The following FOCAD variants were observed in gnomAD, a reference collection of about 807,000 sequenced individuals.
FOCAD encodes the protein KIAA1797.
In FOCAD, 198 loss-of-function variants were observed where a neutral mutation model predicts 225.6. The ratio of observed to expected loss-of-function variants is 0.88; its 90% CI spans 0.78 to 0.99. The LOEUF (loss-of-function observed/expected upper bound fraction) is 0.99. Ranked by LOEUF, FOCAD falls within the 50% of genes least tolerant of loss-of-function variation. FOCAD has a pLI of 0.00. For synonymous variants in FOCAD, 897 were observed against 755.0 expected (o/e 1.19, Z -3.08); for missense variants, 2,713 against 2,123.6 (o/e 1.28, Z -5.46).
At chr9:20,658,152 C>G (rs1048776608), upstream of FOCAD, among the ~76,000 whole-genome samples, 1 of 151,554 alleles carries the variant, frequency 6.6e-6, no homozygotes, top group Non-Finnish European at 1.5e-5. Context: ...TCTCCAGCTG[C>G]GTGGTGGGAG....
At chr9:20,813,447 G>A (rs1823306125) in intron 11 of FOCAD, among the ~76,000 whole-genome samples, 4 of 151,998 alleles carry the variant, frequency 2.6e-5, no homozygotes, top group Admixed American at 1.3e-4. Context: ...ACCCATAGTG[G>A]CCACACCTTT....
At chr9:20,869,537 T>C (rs780246584) in intron 18 of FOCAD, among the ~76,000 whole-genome samples, 5 of 152,112 alleles carry the variant, frequency 3.3e-5, no homozygotes, top group African/African-American at 4.8e-5. Context: ...TTGGCAGATA[T>C]CAGAACAAAG....
chr9:20,967,911 T>C (rs1203279171), intron 35 of FOCAD, among the ~76,000 whole-genome samples: 1 of 152,152 alleles, frequency 6.6e-6, no homozygotes, highest in Non-Finnish European at 1.5e-5. Flanking sequence ...ATTCATAATA[T>C]GTATCAGTCT....
chr9:20,944,953 A>C (rs1837038458), intron 29 of FOCAD, among the ~76,000 whole-genome samples, 179 bp downstream of exon 29: 3 of 152,198 alleles, frequency 2.0e-5, no homozygotes, highest in Admixed American at 2.0e-4. Flanking sequence ...TGGCAGTTTA[A>C]ATCAACTTAA....
intron 15 of FOCAD, among the ~76,000 whole-genome samples, chr9:20,829,825 C>T (rs1825305233): frequency 6.6e-6 from 1 of 152,054 alleles, no homozygotes; most frequent in African/African-American, 2.4e-5. Flanking sequence ...AGCTGGAAAA[C>T]TGCTAATGTT....
chr9:20,821,997 A>T (rs1390898403), intron 14 of FOCAD, among the ~76,000 whole-genome samples: 1 of 22,622 alleles, frequency 4.4e-5, no homozygotes, highest in African/African-American at 1.5e-4. Context: ...AAAAGTTACT[A>T]AAAAAAAAAA....
In FOCAD at chr9:20,988,379, A is replaced by G. The variant is rs771469570; in HGVS notation, c.4954A>G (p.Arg1652Gly). ...EWLLELMGYI[R>G]NVAYQSTSFH... ...GCTCTTGGAACTGATGGGTTATATTAGAAATGTTGCTTACCAGTCAACATC... is the reference window on the plus strand; with the variant it reads ...GCTCTTGGAACTGATGGGTTATATTGGAAATGTTGCTTACCAGTCAACATC... Residue 1652 changes from arginine to glycine, a missense_variant, in exon 41 of 44, where the codon AGA becomes GGA. Physicochemically the swap from Arg to Gly is moderately radical, Grantham distance 125. Coordinates refer to ENST00000338382, the MANE Select transcript of FOCAD (RefSeq NM_001375567.1). The G allele has an allele frequency of 6.2e-7, 1 of 1,612,506 alleles. No homozygotes were observed. The highest frequency in any genetic ancestry group is 1.1e-5 in the South Asian group (1 of 90,930).
chr9:20,797,223 T>G (rs1821217831), intron 11 of FOCAD, among the ~76,000 whole-genome samples: 1 of 152,176 alleles, frequency 6.6e-6, no homozygotes, highest in South Asian at 2.1e-4. Flanking sequence ...ACTGTAGCCT[T>G]GTAGTCTAGT....
intron 15 of FOCAD, among the ~76,000 whole-genome samples, chr9:20,855,420 T>C (rs1828072972): frequency 6.6e-6 from 1 of 151,572 alleles, no homozygotes; most frequent in Non-Finnish European, 1.5e-5. Context: ...AATAAGTAAA[T>C]TGTTTTTTAA....
At chr9:20,976,355 T>G (rs1253351566) in intron 35 of FOCAD, 65 bp from the exon 36 acceptor site, 3 of 1,482,102 alleles carry the variant, frequency 2.0e-6, no homozygotes, top group African/African-American at 2.8e-5. Context: ...AAGGAATTGT[T>G]GGCATTTTCC....
intron 19 of FOCAD, among the ~76,000 whole-genome samples, chr9:20,880,560 G>C (rs1293862777): frequency 6.6e-6 from 1 of 152,196 alleles, no homozygotes; most frequent in Non-Finnish European, 1.5e-5. Flanking sequence ...GAGCAGGGTT[G>C]AGAAGGATAG....
At chr9:20,707,840 G>A (rs998907742) in intron 1 of FOCAD, among the ~76,000 whole-genome samples, 1 of 152,136 alleles carries the variant, frequency 6.6e-6, no homozygotes, top group Non-Finnish European at 1.5e-5. Flanking sequence ...GTGGCAGTTG[G>A]ATTTTTTAAG....
intron 15 of FOCAD, among the ~76,000 whole-genome samples, chr9:20,846,888 T>A (rs1177268744): frequency 6.6e-6 from 1 of 152,098 alleles, no homozygotes; most frequent in Admixed American, 6.6e-5. Flanking sequence ...TTTATAAACA[T>A]CTTCACAGTA....
At chr9:20,955,268 T>C (rs779807173) in intron 35 of FOCAD, among the ~76,000 whole-genome samples, 4 of 152,196 alleles carry the variant, frequency 2.6e-5, no homozygotes, top group Non-Finnish European at 5.9e-5. Flanking sequence ...TCCACATTTG[T>C]GCTAGGATGA....
chr9:20,740,304 G>T lies in FOCAD; in HGVS notation c.356G>T (p.Gly119Val), dbSNP rs369102033. The change falls in exon 5 of 44, where the codon GGT becomes GTT. Residue 119 changes from glycine (G) to valine (V), a missense_variant. Gly to Val is a moderately radical substitution (Grantham distance 109). Coordinates refer to ENST00000338382, the MANE Select transcript of FOCAD (RefSeq NM_001375567.1). ...LQMQALKEGQ[G>V]GEKNIQSIYT... ...ATGCAAGCTCTTAAGGAAGGACAAG[G>T]TGGGGAAAAGAATATTCAGAGTATA... 4 of 1,611,342 alleles carry T rather than the reference G, an allele frequency of 2.5e-6. No individual in the cohort carries two copies. Among genetic ancestry groups the T allele is most frequent in the Non-Finnish European group, 2.5e-6 (3 of 1,178,288 alleles).
chr9:20,729,578 A>G (rs1286962435), intron 4 of FOCAD, among the ~76,000 whole-genome samples: 1 of 152,136 alleles, frequency 6.6e-6, no homozygotes, highest in Non-Finnish European at 1.5e-5. Flanking sequence ...CTTTCTGCTC[A>G]CTGTGTCTTG....
rs1189478945 is a variant in FOCAD, at chr9:20,983,661, A to G, written c.4728+1215A>G. 5.3e-5 allele frequency among the ~76,000 whole-genome samples: 8 copies of G among 152,244 alleles called. No individual in the cohort carries two copies. In the East Asian group the frequency reaches 1.5e-3, roughly 29 times the overall value. ...GAGAAGCAACATAAGAAAATAGTTA[A>G]GAGGATGGACTCTGGAGCCTCACTG... is the stretch of plus-strand genomic sequence containing the variant. On this transcript the variant is annotated intron_variant, in intron 39 of 43. Transcript: ENST00000338382.
intron 10 of FOCAD, 47 bp from the exon 11 acceptor site, chr9:20,789,304 A>G (rs1563991713): frequency 1.3e-6 from 2 of 1,579,524 alleles, no homozygotes; most frequent in Non-Finnish European, 1.7e-6. Flanking sequence ...TTTCTGACAA[A>G]TATATTTATC....
intron 8 of FOCAD, among the ~76,000 whole-genome samples, chr9:20,774,297 T>A (rs10964693): frequency 6.6e-6 from 1 of 152,084 alleles, no homozygotes; most frequent in Non-Finnish European, 1.5e-5. Flanking sequence ...TTTCCAAGAC[T>A]ACAGGGGATG....
Sources: gnomAD v4.1 joint callset for allele counts (sites outside exome capture counted in the v4.1 genomes callset) on GRCh38, gnomAD v4.1.1 for gene constraint, MANE v1.5 for transcripts, NCBI Gene and HGNC (gene_info 2026-07-23, HGNC 2026-07-21) for gene names.